CRISP3: variants seen among roughly 807,000 people sequenced by gnomAD.
The protein encoded by CRISP3 is cysteine rich secretory protein 3.
In CRISP3, 33 loss-of-function variants were observed where a neutral mutation model predicts 36.1. The ratio of observed to expected loss-of-function variants is 0.91; its 90% confidence interval spans 0.69 to 1.22. The LOEUF (loss-of-function observed/expected upper bound fraction) is 1.22, where lower values mean the gene tolerates loss of function less well. CRISP3 is among the 50% of genes most tolerant of loss of function. CRISP3 has a pLI of 0.00. For missense variants in CRISP3, 330 were observed against 301.2 expected, an observed-to-expected ratio of 1.10 and a Z score of -0.71; for synonymous variants, 117 against 104.6, an observed-to-expected ratio of 1.12 and a Z score of -0.72.
At chr6:49,737,631 T>C (rs572139641) in intron 1 of CRISP3, among the ~76,000 whole-genome samples, 4 of 152,278 alleles carry the variant, frequency 2.6e-5, no homozygotes, top group South Asian at 2.1e-4. Context: ...ACTGAAGCCC[T>C]TGAAGCATGC....
At chr6:49,732,000 T>G (rs962427294) in intron 6 of CRISP3, among the ~76,000 whole-genome samples, 3 of 152,226 alleles carry the variant, frequency 2.0e-5, no homozygotes, top group Admixed American at 2.0e-4. Context: ...AATTATCATC[T>G]GAAAATACAA....
At chr6:49,734,501 C>T (rs919664210) in intron 4 of CRISP3, among the ~76,000 whole-genome samples, 1 of 152,052 alleles carries the variant, frequency 6.6e-6, no homozygotes, top group African/African-American at 2.4e-5. Flanking sequence ...AACACTTTTT[C>T]AAGCCCTAAA....
chr6:49,743,454 C>G (rs1769257480), intron 1 of CRISP3, among the ~76,000 whole-genome samples: 1 of 152,156 alleles, frequency 6.6e-6, no homozygotes. Flanking sequence ...TTGGTTTTAA[C>G]TAGCAGAAGA....
Position 49,728,476 on chromosome 6 carries a change from T to C in CRISP3, c.*254A>G, listed in dbSNP as rs559656066. 1.1e-5 allele frequency: 3 copies of C among 268,644 alleles called. No homozygotes were observed. The South Asian group carries it at 4.5e-4, about 40-fold the overall frequency. 16.6% of individuals were successfully genotyped at this position (268,644 alleles called of 1,614,324 possible). Reference sequence around the variant, plus strand: ...AAATTTTCACCCTAATTAAATTCAGTAAATTTAAATCACAAAGTTTATATA... The same window carrying C: ...AAATTTTCACCCTAATTAAATTCAGCAAATTTAAATCACAAAGTTTATATA... On this transcript the variant is annotated 3_prime_UTR_variant, in exon 8 of 8. Coordinates refer to ENST00000263045, the MANE Select transcript of CRISP3 (RefSeq NM_006061.4).
intron 4 of CRISP3, among the ~76,000 whole-genome samples, 188 bp from the exon 5 acceptor site, chr6:49,734,036 T>A (rs976690564): frequency 9.8e-5 from 15 of 152,324 alleles, no homozygotes; most frequent in African/African-American, 2.6e-4. Context: ...ATAAGCTGAA[T>A]AGAAGCCAGA....
chr6:49,734,427 C>T (rs987128846), intron 4 of CRISP3, among the ~76,000 whole-genome samples: 1 of 152,128 alleles, frequency 6.6e-6, no homozygotes, highest in African/African-American at 2.4e-5. Flanking sequence ...CAAATCAGAA[C>T]ATCACAGGCC....
At chr6:49,735,660 T>A (rs1769031976) in intron 3 of CRISP3, 69 bp from the exon 4 acceptor site, 1 of 1,209,990 alleles carries the variant, frequency 8.3e-7, no homozygotes, top group Admixed American at 1.8e-5. Context: ...AGCTTTATAA[T>A]CAGGTTATAG....
chr6:49,736,585 G>A, intron 2 of CRISP3, 78 bp from the exon 3 acceptor site: 1 of 1,006,180 alleles, frequency 9.9e-7, no homozygotes, highest in Non-Finnish European at 1.6e-6. Flanking sequence ...TAGTTCAAGG[G>A]AACAAAGACC....
intron 1 of CRISP3, 123 bp downstream of exon 1, chr6:49,744,205 CAAT>C (rs972056913): frequency 1.8e-5 from 11 of 610,402 alleles, no homozygotes; most frequent in African/African-American, 1.7e-4. Context: ...TAAAAGTTAT[CAAT>C]AAACTTTGGA....
At chr6:49,737,246 C>T in intron 2 of CRISP3, 79 bp downstream of exon 2, 1 of 1,123,946 alleles carries the variant, frequency 8.9e-7, no homozygotes, top group Non-Finnish European at 1.3e-6. Context: ...GACCTTTTCA[C>T]TTTTGAAGAT....
At chr6:49,740,226 G>A (rs1256134444) in intron 1 of CRISP3, among the ~76,000 whole-genome samples, 1 of 152,172 alleles carries the variant, frequency 6.6e-6, no homozygotes, top group Non-Finnish European at 1.5e-5. Flanking sequence ...CAAATGACCT[G>A]ATATCACTGC....
chr6:49,739,780 C>A (rs1283427344), intron 1 of CRISP3, among the ~76,000 whole-genome samples: 1 of 152,086 alleles, frequency 6.6e-6, no homozygotes, highest in African/African-American at 2.4e-5. Flanking sequence ...AAAAAATAGC[C>A]TCTCCTGTCA....
Position 49,728,805 on chromosome 6 carries a change from G to T in CRISP3, c.702C>A (p.Leu234=). The T allele has an allele frequency of 1.2e-6, 2 of 1,612,690 alleles. No individual in the cohort carries two copies. The highest frequency in any genetic ancestry group is 1.7e-6 in the Non-Finnish European group (2 of 1,179,226). ...DLYSNCKSLK[L]TLTCKHQLVR... is the part of the protein sequence containing the mutation. ...CCAACTGATGTTTACAGGTTAATGT[G>T]AGCTTCAAACTTTTACAGTTACTAT... The change falls in exon 8 of 8, where the codon CTC becomes CTA. Residue 234 remains leucine (L), a synonymous_variant. Transcript: ENST00000263045.
intron 7 of CRISP3, among the ~76,000 whole-genome samples, chr6:49,730,726 A>G (rs970522107): frequency 6.6e-6 from 1 of 152,186 alleles, no homozygotes; most frequent in African/African-American, 2.4e-5. Context: ...GATACTGAAC[A>G]GTGTAAAATT....
Position 49,728,103 on chromosome 6 carries a change from G to GA in CRISP3, c.*626dup, listed in dbSNP as rs1239757866. The GA allele has an allele frequency of 6.6e-6, 1 of 152,088 alleles. No homozygotes were observed. Among genetic ancestry groups the GA allele is most frequent in the Non-Finnish European group, 1.5e-5 (1 of 67,986 alleles). 9.4% of individuals were successfully genotyped at this position (152,088 alleles called of 1,614,324 possible). ...AAGAGAGGTTTAAAAATGAAGGTTTGATCATATTCTACTGTAAAATTTATG... is the reference window on the plus strand; with the variant it reads ...AAGAGAGGTTTAAAAATGAAGGTTTGAATCATATTCTACTGTAAAATTTATG... On this transcript the variant is annotated 3_prime_UTR_variant, in exon 8 of 8. Coordinates refer to ENST00000263045, the MANE Select transcript of CRISP3 (RefSeq NM_006061.4).
At chr6:49,734,600 A>T (rs1043948367) in intron 4 of CRISP3, among the ~76,000 whole-genome samples, 4 of 152,152 alleles carry the variant, frequency 2.6e-5, no homozygotes, top group African/African-American at 9.6e-5. Flanking sequence ...CTCCTTTGAG[A>T]GGGAAAGAAA....
chr6:49,733,392 C>T (rs1768964203), intron 5 of CRISP3, 100 bp from the exon 6 acceptor site: 2 of 861,702 alleles, frequency 2.3e-6, no homozygotes, highest in East Asian at 5.0e-5. Flanking sequence ...ATGTTACCGA[C>T]ATATTTTGTT....
At chr6:49,733,127 G>A (rs1211372651) in intron 6 of CRISP3, 68 bp downstream of exon 6, 2 of 899,580 alleles carry the variant, frequency 2.2e-6, no homozygotes, top group South Asian at 2.3e-5. Context: ...ATGCTTTTTA[G>A]TTTTTTTTTA....
chr6:49,734,637 G>A (rs1768996855), intron 4 of CRISP3, among the ~76,000 whole-genome samples: 2 of 151,934 alleles, frequency 1.3e-5, no homozygotes. Flanking sequence ...CAATAGATTG[G>A]GATTTTCAAG....
Sources: allele counts gnomAD v4.1 joint callset (sites outside exome capture counted in the v4.1 genomes callset), GRCh38; gene constraint gnomAD v4.1.1; transcripts MANE v1.5; gene names NCBI Gene and HGNC (gene_info 2026-07-23, HGNC 2026-07-21).